The following DAB1 variants were observed in gnomAD, a reference collection of about 807,000 sequenced individuals.
DAB1 encodes the protein DAB adaptor protein 1.
A neutral mutation model predicts 64.6 loss-of-function variants in DAB1; 15 were observed. The observed-to-expected ratio is 0.23, with a 90% CI of 0.16 to 0.36. The LOEUF is 0.36. Ranked by LOEUF, DAB1 falls within the 10% of genes least tolerant of loss-of-function variation. The probability of loss-of-function intolerance (pLI) is 1.00; values close to 1 mark genes in which losing one functional copy is unlikely to be tolerated. For synonymous variants in DAB1, 235 were observed against 251.9 expected, an observed-to-expected ratio of 0.93 and a Z score of 0.64; for missense variants, 596 against 706.7, an observed-to-expected ratio of 0.84 and a Z score of 1.78.
intron 5 of DAB1, among the ~76,000 whole-genome samples, chr1:57,924,240 A>G (rs573756297): frequency 2.0e-5 from 3 of 152,236 alleles, no homozygotes; most frequent in Non-Finnish European, 2.9e-5. Context: ...GGAGCTGACT[A>G]TCGGATGGAA....
intron 6 of DAB1, among the ~76,000 whole-genome samples, chr1:57,780,431 G>A (rs1557476469): frequency 6.6e-6 from 1 of 151,998 alleles, no homozygotes; most frequent in South Asian, 2.1e-4. Flanking sequence ...TGTTGTCTTG[G>A]GAATTCTTCA....
intron 7 of DAB1, among the ~76,000 whole-genome samples, chr1:57,566,791 A>G (rs1340241821): frequency 1.3e-5 from 2 of 152,354 alleles, no homozygotes; most frequent in Non-Finnish European, 2.9e-5. Context: ...TTAATAGCCT[A>G]CCAACCAAAA....
At chr1:57,527,583 T>C (rs2101403916) in intron 7 of DAB1, among the ~76,000 whole-genome samples, 1 of 152,322 alleles carries the variant, frequency 6.6e-6, no homozygotes, top group Non-Finnish European at 1.5e-5. Context: ...ACTACATGCA[T>C]TGATATCCAG....
At chr1:58,099,106 T>A (rs771119658) in intron 5 of DAB1, among the ~76,000 whole-genome samples, 4 of 152,174 alleles carry the variant, frequency 2.6e-5, no homozygotes, top group Non-Finnish European at 4.4e-5. Flanking sequence ...GCTGAATGAT[T>A]CTTGTCCACA....
chr1:58,122,395 C>A (rs887327102), intron 5 of DAB1, among the ~76,000 whole-genome samples: 1 of 152,140 alleles, frequency 6.6e-6, no homozygotes, highest in Non-Finnish European at 1.5e-5. Context: ...TTTGAGCCTC[C>A]ATTTCCTGAA....
rs546405529 is a variant in DAB1 at position 57,058,295 on chromosome 1, G to C, written c.723+4589C>G. On this transcript the variant is annotated intron_variant, in intron 9 of 14. Transcript: ENST00000371236. Reference sequence around the variant, plus strand: ...AGTGGAAGAAGGGCCAGGCAAGAGGGCTTCTTTGAGAACCAACACTGTCTT... The same window carrying C: ...AGTGGAAGAAGGGCCAGGCAAGAGGCCTTCTTTGAGAACCAACACTGTCTT... Among the ~76,000 whole-genome samples the C allele has an allele frequency of 1.5e-4, 23 of 152,306 alleles. No individual in the cohort carries two copies. The East Asian group carries it at 3.7e-3, about 24-fold the overall frequency.
At chr1:57,367,005 G>C (rs867411262) in intron 1 of DAB1, among the ~76,000 whole-genome samples, 1 of 147,366 alleles carries the variant, frequency 6.8e-6, no homozygotes, top group African/African-American at 2.5e-5. Context: ...CCAGGAGTTC[G>C]AGACCAGCCT....
At chr1:57,377,451 C>A (rs1039338659) in intron 1 of DAB1, among the ~76,000 whole-genome samples, 1 of 151,978 alleles carries the variant, frequency 6.6e-6, no homozygotes, top group African/African-American at 2.4e-5. Flanking sequence ...GGGAGAGGTG[C>A]CCAGAAACTG....
intron 7 of DAB1, among the ~76,000 whole-genome samples, chr1:57,523,062 C>T (rs563270947): frequency 6.6e-6 from 1 of 152,274 alleles, no homozygotes; most frequent in South Asian, 2.1e-4. Context: ...TTTCAGATAG[C>T]CTATTGTGGG....
rs1416184158 is a variant in DAB1 at position 57,606,662 on chromosome 1, A to ATATAT, written n.625+42925_625+42929dup. On this transcript the variant is annotated intron_variant and non_coding_transcript_variant, in intron 7 of 20. Transcript: ENST00000485760. Reference sequence around the variant, plus strand: ...ATATGAAATATATATTATGTATGAAATATATATGAAATATATATTATGTAT... The same window carrying ATATAT: ...ATATGAAATATATATTATGTATGAAATATATTATATATGAAATATATATTATGTAT... Among the ~76,000 whole-genome samples the ATATAT allele has an allele frequency of 5.9e-3, 631 of 106,564 alleles. 12 individuals are homozygous for ATATAT. Among genetic ancestry groups the ATATAT allele is most frequent in the African/African-American group, 0.012 (336 of 26,976 alleles). 69.9% of individuals were successfully genotyped at this position (106,564 alleles called of 152,430 possible). A position where few individuals can be genotyped will look rare whatever the true frequency, so the allele number is the denominator to read the frequency against.
intron 7 of DAB1, among the ~76,000 whole-genome samples, chr1:57,631,427 TA>T (rs1645988064): frequency 1.3e-5 from 2 of 152,232 alleles, no homozygotes; most frequent in African/African-American, 4.8e-5. Context: ...TAGCACATTT[TA>T]AAAAGAGCAA....
At chr1:57,677,575 A>G (rs924368885) in intron 6 of DAB1, among the ~76,000 whole-genome samples, 1 of 152,172 alleles carries the variant, frequency 6.6e-6, no homozygotes, top group African/African-American at 2.4e-5. Context: ...CATTCATACC[A>G]CGTGGCAATG....
chr1:57,055,527 T>C (rs1455285669), intron 9 of DAB1, among the ~76,000 whole-genome samples: 1 of 152,200 alleles, frequency 6.6e-6, no homozygotes, highest in Non-Finnish European at 1.5e-5. Flanking sequence ...TTTCCATCTA[T>C]ACCTGGGCCC....
At chr1:58,113,395 T>C (rs889626790) in intron 5 of DAB1, among the ~76,000 whole-genome samples, 8 of 152,176 alleles carry the variant, frequency 5.3e-5, no homozygotes, top group South Asian at 4.1e-4. Context: ...ATTCCTCCAC[T>C]GACTGACACA....
intron 3 of DAB1, among the ~76,000 whole-genome samples, chr1:58,382,764 T>C (rs1049279657): frequency 2.8e-4 from 42 of 152,346 alleles, no homozygotes; most frequent in African/African-American, 9.9e-4. Context: ...TTCTGCAAAA[T>C]GACCTTGAGC....
chr1:57,027,807 G>A (rs1176154292), intron 9 of DAB1, among the ~76,000 whole-genome samples: 1 of 152,130 alleles, frequency 6.6e-6, no homozygotes, highest in Admixed American at 6.5e-5. Flanking sequence ...CTTTCAGATT[G>A]AATAACAGTG....
chr1:57,846,152 G>T (rs953109496), intron 1 of DAB1, among the ~76,000 whole-genome samples: 9 of 152,044 alleles, frequency 5.9e-5, no homozygotes, highest in African/African-American at 1.9e-4. Flanking sequence ...TTCAGAACTT[G>T]GTTTTTTTAA....
At chr1:57,217,103 G>T (rs1467163837) in intron 2 of DAB1, among the ~76,000 whole-genome samples, 1 of 152,146 alleles carries the variant, frequency 6.6e-6, no homozygotes, top group South Asian at 2.1e-4. Context: ...GCCTTCTCAG[G>T]ATGGCACAGA....
chr1:57,147,421 T>C (rs897482354), intron 2 of DAB1, among the ~76,000 whole-genome samples: 2 of 152,080 alleles, frequency 1.3e-5, no homozygotes, highest in African/African-American at 4.8e-5. Flanking sequence ...CCTGTGGTCC[T>C]GACCCCCAGT....
Sources: gnomAD v4.1 joint callset for allele counts (sites outside exome capture counted in the v4.1 genomes callset) on GRCh38, gnomAD v4.1.1 for gene constraint, MANE v1.5 for transcripts, NCBI Gene and HGNC (gene_info 2026-07-23, HGNC 2026-07-21) for gene names.